The following PDCD6IP variants were observed in gnomAD, a reference collection of about 807,000 sequenced individuals.
PDCD6IP encodes the protein programmed cell death 6 interacting protein.
Under a neutral mutation model 103.7 loss-of-function variants are expected in PDCD6IP, and 43 were observed. The observed-to-expected ratio is 0.41, with a 90% confidence interval of 0.32 to 0.53. The LOEUF (loss-of-function observed/expected upper bound fraction) is 0.53. PDCD6IP is among the 20% of genes least tolerant of loss of function. The pLI, the probability that PDCD6IP is intolerant of heterozygous loss-of-function variation, is 0.16. For synonymous variants in PDCD6IP, 354 were observed against 378.7 expected (o/e 0.93, Z 0.76); for missense variants, 871 against 1,036.7 (o/e 0.84, Z 2.20).
At chr3:33,801,538 C>T (rs142806264) in intron 1 of PDCD6IP, among the ~76,000 whole-genome samples, 4 of 152,186 alleles carry the variant, frequency 2.6e-5, no homozygotes, top group Non-Finnish European at 4.4e-5. Flanking sequence ...TGGTAGCATG[C>T]ACTCATAATT....
chr3:33,839,825 AT>A (rs1487861112), intron 9 of PDCD6IP, among the ~76,000 whole-genome samples: 2 of 152,146 alleles, frequency 1.3e-5, no homozygotes, highest in African/African-American at 4.8e-5. Context: ...TCTCACTGTG[AT>A]TTAGTTTGCA....
chr3:33,806,515 A>C (rs182580871), intron 1 of PDCD6IP, among the ~76,000 whole-genome samples: 3 of 152,344 alleles, frequency 2.0e-5, no homozygotes, highest in African/African-American at 7.2e-5. Flanking sequence ...TCTAAAATAG[A>C]ATCTATGAAG....
At chr3:33,819,276 T>A (rs1696933106) in intron 3 of PDCD6IP, among the ~76,000 whole-genome samples, 1 of 152,136 alleles carries the variant, frequency 6.6e-6, no homozygotes, top group Non-Finnish European at 1.5e-5. Flanking sequence ...AGTTTTTAAT[T>A]TTTAGGAGCT....
intron 1 of PDCD6IP, among the ~76,000 whole-genome samples, chr3:33,809,108 C>G (rs1006927055): frequency 1.3e-5 from 2 of 152,116 alleles, no homozygotes; most frequent in East Asian, 3.8e-4. Flanking sequence ...ACCTTCTTAC[C>G]TCTCCTCATA....
intron 7 of PDCD6IP, among the ~76,000 whole-genome samples, chr3:33,832,567 C>T (rs570629195): frequency 2.6e-5 from 4 of 152,258 alleles, no homozygotes; most frequent in East Asian, 3.9e-4. Flanking sequence ...AAGTCTTCTT[C>T]CAAATGGCTA....
chr3:33,811,254 G>A (rs1275250718), intron 1 of PDCD6IP: 1 of 182,500 alleles, frequency 5.5e-6, no homozygotes, highest in Non-Finnish European at 1.2e-5. Flanking sequence ...TTACTTAATT[G>A]GATAGTTTTT....
At chr3:33,853,394 A>C (rs1200569316) in intron 13 of PDCD6IP, among the ~76,000 whole-genome samples, 1 of 152,234 alleles carries the variant, frequency 6.6e-6, no homozygotes, top group Non-Finnish European at 1.5e-5. Flanking sequence ...GCTAACATAC[A>C]TACAGACTTC....
chr3:33,845,352 A>G (rs1697568759), intron 11 of PDCD6IP, 67 bp from the exon 12 acceptor site: 1 of 1,250,706 alleles, frequency 8.0e-7, no homozygotes, highest in Non-Finnish European at 1.1e-6. Context: ...AACTCAACAT[A>G]TAACCAGCCG....
At chr3:33,801,624 A>AAACAG (rs2125539450) in intron 1 of PDCD6IP, among the ~76,000 whole-genome samples, 1 of 152,284 alleles carries the variant, frequency 6.6e-6, no homozygotes, top group South Asian at 2.1e-4. Context: ...CGCTGTCTCA[A>AAACAG]AACAAAACAA....
chr3:33,804,676 C>G (rs993265376), intron 1 of PDCD6IP, among the ~76,000 whole-genome samples: 51 of 152,322 alleles, frequency 3.3e-4, no homozygotes, highest in African/African-American at 1.2e-3. Flanking sequence ...GAAGAATCTT[C>G]TGAGGTGCTT....
rs76608858 is a variant in PDCD6IP at position 33,842,000 on chromosome 3, G to A, written c.1285G>A (p.Gly429Ser). The A allele has an allele frequency of 0.013, 21,303 of 1,608,996 alleles. 182 individuals carry two copies. Among genetic ancestry groups the A allele is most frequent in the Non-Finnish European group, 0.017 (19,747 of 1,175,422 alleles). Residue 429 changes from glycine to serine, a missense_variant, in exon 10 of 18, where the codon GGC becomes AGC. Around this residue, in one of 5 missense-constraint regions of PDCD6IP, gnomAD observed 266 missense variants for 390.5 expected, o/e 0.68. Transcript: ENST00000307296. ...ATCCAGATCTGTGATTGAACAGGGA[G>A]GCATCCAGACTGTTGATCAGTTGAT... ...TKSRSVIEQG[G>S]IQTVDQLIKE...
chr3:33,836,055 A>G lies in PDCD6IP; in HGVS notation c.846A>G (p.Glu282=). ...EEIARLQHAA[E]LIKTVASRYD... Reference sequence around the variant, plus strand: ...GTTTTTCTTTTTAGCATGCAGCAGAACTGATTAAAACAGTGGCATCTCGCT... The same window carrying G: ...GTTTTTCTTTTTAGCATGCAGCAGAGCTGATTAAAACAGTGGCATCTCGCT... Residue 282 remains glutamate, a synonymous_variant, in exon 8 of 18, where the codon GAA becomes GAG. Coordinates refer to ENST00000307296, the MANE Select transcript of PDCD6IP (RefSeq NM_013374.6). The G allele has an allele frequency of 6.2e-7, 1 of 1,600,076 alleles. No individual in the cohort carries two copies. Among genetic ancestry groups the G allele is most frequent in the Non-Finnish European group, 8.6e-7 (1 of 1,167,428 alleles).
rs1204488154 is a variant in PDCD6IP at position 33,869,171 on chromosome 3, T to C, written c.*2646T>C. The C allele has an allele frequency of 5.9e-5, 9 of 152,138 alleles. No homozygotes were observed. The highest frequency in any genetic ancestry group is 5.2e-4 in the Admixed American group (8 of 15,268). The allele number at this position is 152,138 out of a possible 1,614,324, so 9.4% of individuals were successfully genotyped here. A position where few individuals can be genotyped will look rare whatever the true frequency, so the allele number is the denominator to read the frequency against. ...TGTTTTCCATTTGAACTTTACAGTT[T>C]GCAAAAGTGCTTTTATACATTTTCT... On this transcript the variant is annotated 3_prime_UTR_variant, in exon 18 of 18. Transcript: ENST00000307296.
intron 12 of PDCD6IP, among the ~76,000 whole-genome samples, chr3:33,847,410 C>G (rs1295112047): frequency 6.6e-6 from 1 of 152,082 alleles, no homozygotes; most frequent in Non-Finnish European, 1.5e-5. Flanking sequence ...ATTTTCTTGA[C>G]GGGGTAACCA....
intron 13 of PDCD6IP, 140 bp downstream of exon 13, chr3:33,852,876 G>T: frequency 3.2e-5 from 31 of 971,320 alleles, no homozygotes; most frequent in East Asian, 4.4e-5. Flanking sequence ...TGTATATTTT[G>T]TAAAATTAAA....
At chr3:33,862,718 G>A (rs1184836642) in intron 15 of PDCD6IP, among the ~76,000 whole-genome samples, 3 of 152,102 alleles carry the variant, frequency 2.0e-5, no homozygotes, top group Admixed American at 1.3e-4. Context: ...TAAAAGGTTA[G>A]CCTTTTCACC....
chr3:33,802,071 C>G (rs1196381765), intron 1 of PDCD6IP, among the ~76,000 whole-genome samples: 1 of 152,158 alleles, frequency 6.6e-6, no homozygotes, highest in African/African-American at 2.4e-5. Flanking sequence ...GTAGGTAGTT[C>G]TGGTAGCCCA....
At chr3:33,832,010 A>T (rs1257935543) in intron 7 of PDCD6IP, among the ~76,000 whole-genome samples, 1 of 152,232 alleles carries the variant, frequency 6.6e-6, no homozygotes, top group Non-Finnish European at 1.5e-5. Context: ...TTTCACTGTT[A>T]TAAACAATGC....
intron 1 of PDCD6IP, among the ~76,000 whole-genome samples, chr3:33,811,718 A>G (rs372374785): frequency 2.0e-5 from 3 of 152,364 alleles, no homozygotes; most frequent in South Asian, 4.1e-4. Flanking sequence ...CCTGTTTTTA[A>G]TTGGCAGTTT....
Sources: allele counts gnomAD v4.1 joint callset (sites outside exome capture counted in the v4.1 genomes callset), GRCh38; gene constraint gnomAD v4.1.1; regional missense constraint gnomAD v4.1.1; transcripts MANE v1.5; gene names NCBI Gene and HGNC (gene_info 2026-07-23, HGNC 2026-07-21).